COG5: variants seen among roughly 807,000 people sequenced by gnomAD.
COG5 encodes the protein component of oligomeric golgi complex 5.
COG5 carries 86 observed loss-of-function variants against 110.4 expected under a neutral mutation model. The ratio of observed to expected loss-of-function variants is 0.78; its 90% CI spans 0.65 to 0.93. The LOEUF (loss-of-function observed/expected upper bound fraction) is 0.93. Among genes scored for constraint, COG5 ranks in the 40% least tolerant of loss-of-function variants. COG5 has a pLI of 0.00. For synonymous variants in COG5, 360 were observed against 334.6 expected (o/e 1.08, Z -0.83); for missense variants, 1,077 against 987.0 (o/e 1.09, Z -1.22).
At chr7:107,405,316 G>T (rs1438517504) in intron 7 of COG5, among the ~76,000 whole-genome samples, 1 of 152,148 alleles carries the variant, frequency 6.6e-6, no homozygotes, top group Non-Finnish European at 1.5e-5. Context: ...ACAATGGTTC[G>T]TTTCACTCTT....
chr7:107,534,039 A>G (rs1362615889), intron 5 of COG5, among the ~76,000 whole-genome samples: 1 of 151,650 alleles, frequency 6.6e-6, no homozygotes, highest in East Asian at 1.9e-4. Context: ...AGAATTTTCA[A>G]CCCAGAATTT....
intron 10 of COG5, among the ~76,000 whole-genome samples, chr7:107,356,480 A>T (rs1236603160): frequency 6.6e-6 from 1 of 152,196 alleles, no homozygotes; most frequent in African/African-American, 2.4e-5. Context: ...CAGGAAGATC[A>T]CTTCAGCCCA....
At chr7:107,467,433 T>G (rs976163839) in intron 6 of COG5, among the ~76,000 whole-genome samples, 1 of 152,200 alleles carries the variant, frequency 6.6e-6, no homozygotes, top group African/African-American at 2.4e-5. Flanking sequence ...CGCAGCTCAC[T>G]GCAATCTCTG....
chr7:107,352,604 T>C (rs945840928), intron 10 of COG5, among the ~76,000 whole-genome samples: 6 of 152,130 alleles, frequency 3.9e-5, no homozygotes, highest in African/African-American at 1.4e-4. Context: ...TGAACATTTA[T>C]CTCATAATAT....
chr7:107,418,816 C>G (rs1793066202), intron 6 of COG5, among the ~76,000 whole-genome samples: 1 of 151,300 alleles, frequency 6.6e-6, no homozygotes, highest in Non-Finnish European at 1.5e-5. Flanking sequence ...CTCTGTCACC[C>G]CAGGCTGGAG....
intron 7 of COG5, among the ~76,000 whole-genome samples, chr7:107,396,370 A>AT (rs1406675479): frequency 6.6e-6 from 1 of 152,164 alleles, no homozygotes; most frequent in East Asian, 1.9e-4. Context: ...CCTGTTAACA[A>AT]TCAACAGTCA....
intron 5 of COG5, among the ~76,000 whole-genome samples, chr7:107,532,863 G>GT (rs957754988): frequency 3.3e-5 from 5 of 152,164 alleles, no homozygotes; most frequent in African/African-American, 7.2e-5. Flanking sequence ...TCTTCCCACT[G>GT]TTTTTTACAG....
chr7:107,373,153 G>C (rs114947843), intron 7 of COG5, among the ~76,000 whole-genome samples: 2,475 of 152,144 alleles, frequency 0.016, 64 homozygotes, highest in African/African-American at 0.055. Flanking sequence ...CTGTGGAGTT[G>C]ACTGAGAGCT....
chr7:107,281,936 G>T (rs1805203227), intron 13 of COG5, among the ~76,000 whole-genome samples: 1 of 150,746 alleles, frequency 6.6e-6, no homozygotes, highest in Admixed American at 6.6e-5. Flanking sequence ...TTAAAATTCG[G>T]ATTCTTAAAG....
At chr7:107,368,796 GTTT>G (rs1305415227) in intron 8 of COG5, among the ~76,000 whole-genome samples, 1 of 152,058 alleles carries the variant, frequency 6.6e-6, no homozygotes, top group African/African-American at 2.4e-5. Context: ...CAACATTTAT[GTTT>G]TATTGTTAAA....
At chr7:107,353,473 T>C (rs1812357682) in intron 10 of COG5, among the ~76,000 whole-genome samples, 1 of 144,814 alleles carries the variant, frequency 6.9e-6, no homozygotes, top group Admixed American at 6.8e-5. Flanking sequence ...AGAAAAATAA[T>C]ATTCAACGTT....
chr7:107,215,584 A>ATTT (rs1392154671), intron 19 of COG5, among the ~76,000 whole-genome samples: 1 of 143,312 alleles, frequency 7.0e-6, no homozygotes, highest in Non-Finnish European at 1.6e-5. Flanking sequence ...GAATGGCGTG[A>ATTT]ACCCGGGAGG....
At chr7:107,352,470 T>C (rs1042416737) in intron 10 of COG5, among the ~76,000 whole-genome samples, 3 of 146,068 alleles carry the variant, frequency 2.1e-5, no homozygotes, top group Non-Finnish European at 3.0e-5. Flanking sequence ...AATAATAAAA[T>C]TGAAAAAAAA....
intron 16 of COG5, among the ~76,000 whole-genome samples, chr7:107,252,143 C>T (rs1802563875): frequency 6.6e-6 from 1 of 152,072 alleles, no homozygotes; most frequent in Admixed American, 6.6e-5. Flanking sequence ...ATCCCTTGAG[C>T]CCAGAAGTTC....
intron 12 of COG5, among the ~76,000 whole-genome samples, chr7:107,297,066 A>ATATG (rs1429342101): frequency 6.6e-6 from 1 of 152,172 alleles, no homozygotes; most frequent in Non-Finnish European, 1.5e-5. Flanking sequence ...TGGCTCCTAA[A>ATATG]TATGGCTATA....
chr7:107,333,668 T>C lies in COG5; in HGVS notation c.1027-9147A>G, dbSNP rs1370266168. Among the ~76,000 whole-genome samples the C allele has an allele frequency of 2.0e-5, 3 of 152,274 alleles. No individual in the cohort carries two copies. In the East Asian group the frequency reaches 5.8e-4, roughly 29 times the overall value. On this transcript the variant is annotated intron_variant, in intron 10 of 21. Coordinates refer to ENST00000297135, the MANE Select transcript of COG5 (RefSeq NM_006348.5). ...ATAAACACAAAGACTTTTTACAAAATAGTAACAGGTGTTGTCTCTGGATGA... is the reference window on the plus strand; with the variant it reads ...ATAAACACAAAGACTTTTTACAAAACAGTAACAGGTGTTGTCTCTGGATGA...
intron 7 of COG5, among the ~76,000 whole-genome samples, chr7:107,382,261 G>A (rs1263279561): frequency 6.6e-6 from 1 of 151,994 alleles, no homozygotes; most frequent in Non-Finnish European, 1.5e-5. Context: ...CAAATCACAG[G>A]TATTTGAGGA....
chr7:107,401,946 T>C (rs887612598), intron 7 of COG5, among the ~76,000 whole-genome samples: 1 of 152,206 alleles, frequency 6.6e-6, no homozygotes, highest in African/African-American at 2.4e-5. Context: ...AGATAATGCT[T>C]AACTTCCATA....
chr7:107,561,739 G>A (rs1803789438), intron 1 of COG5, among the ~76,000 whole-genome samples: 1 of 152,202 alleles, frequency 6.6e-6, no homozygotes, highest in African/African-American at 2.4e-5. Flanking sequence ...CACTCTGGGA[G>A]GCCAAGGCAG....
Sources: allele counts gnomAD v4.1 joint callset (sites outside exome capture counted in the v4.1 genomes callset), GRCh38; gene constraint gnomAD v4.1.1; transcripts MANE v1.5; gene names NCBI Gene and HGNC (gene_info 2026-07-23, HGNC 2026-07-21).